The following CYB5R4 variants were observed in gnomAD, a reference collection of about 807,000 sequenced individuals.
The protein encoded by CYB5R4 is N-terminal cytochrome b5 and cytochrome b5 oxidoreductase domain-containing protein.
A neutral mutation model predicts 70.2 loss-of-function variants in CYB5R4; 55 were observed. That is an observed-to-expected ratio of 0.78 (90% CI 0.63 to 0.98). CYB5R4 has a LOEUF of 0.98. CYB5R4 is among the 50% of genes least tolerant of loss of function. CYB5R4 has a pLI of 0.00. For missense variants in CYB5R4, 562 were observed against 612.6 expected (o/e 0.92, Z 0.87); for synonymous variants, 197 against 199.5 (o/e 0.99, Z 0.11).
chr6:83,949,892 A>C (rs557926607), intron 14 of CYB5R4, among the ~76,000 whole-genome samples: 2 of 152,352 alleles, frequency 1.3e-5, no homozygotes, highest in African/African-American at 4.8e-5. Flanking sequence ...CATGGGAATC[A>C]ATGAGTTAGC....
intron 3 of CYB5R4, among the ~76,000 whole-genome samples, chr6:83,894,360 G>T (rs553533373): frequency 6.6e-6 from 1 of 152,192 alleles, no homozygotes; most frequent in South Asian, 2.1e-4. Flanking sequence ...TAACCATGTT[G>T]TAATATTGGA....
intron 14 of CYB5R4, among the ~76,000 whole-genome samples, chr6:83,950,539 A>T (rs1254136466): frequency 1.3e-5 from 2 of 152,186 alleles, no homozygotes; most frequent in Non-Finnish European, 2.9e-5. Context: ...GACAGGTGGT[A>T]CAGTTTGACA....
At chr6:83,947,781 A>G (rs2099470861) in intron 14 of CYB5R4, among the ~76,000 whole-genome samples, 2 of 151,294 alleles carry the variant, frequency 1.3e-5, no homozygotes, top group African/African-American at 4.8e-5. Context: ...GCCAACAAAC[A>G]TACTGGTCAT....
At chr6:83,899,672 C>G (rs1361658644) in intron 3 of CYB5R4, among the ~76,000 whole-genome samples, 1 of 152,138 alleles carries the variant, frequency 6.6e-6, no homozygotes, top group Non-Finnish European at 1.5e-5. Flanking sequence ...AGGGATTCAA[C>G]TTCTTCCTGG....
intron 15 of CYB5R4, among the ~76,000 whole-genome samples, chr6:83,958,261 C>T (rs1487171388): frequency 6.6e-6 from 1 of 152,190 alleles, no homozygotes; most frequent in Non-Finnish European, 1.5e-5. Context: ...ACAGTCTCTG[C>T]TTTCCAGGAC....
intron 10 of CYB5R4, among the ~76,000 whole-genome samples, chr6:83,925,122 G>A (rs2099467076): frequency 6.6e-6 from 1 of 152,138 alleles, no homozygotes; most frequent in African/African-American, 2.4e-5. Context: ...AGGAAGCATG[G>A]TCCTGGCATT....
intron 2 of CYB5R4, among the ~76,000 whole-genome samples, chr6:83,878,229 A>C (rs1173385750): frequency 6.6e-6 from 1 of 152,116 alleles, no homozygotes; most frequent in African/African-American, 2.4e-5. Flanking sequence ...TTTCCACTAG[A>C]TTAAAAAAAA....
chr6:83,937,185 G>A (rs541872568), intron 12 of CYB5R4, among the ~76,000 whole-genome samples: 8 of 152,110 alleles, frequency 5.3e-5, no homozygotes, highest in Non-Finnish European at 1.2e-4. Context: ...TGAGGCAGGA[G>A]AATCGCTTAA....
At chr6:83,876,644 T>C (rs1028058405) in intron 2 of CYB5R4, among the ~76,000 whole-genome samples, 2 of 152,068 alleles carry the variant, frequency 1.3e-5, no homozygotes, top group East Asian at 1.9e-4. Flanking sequence ...CCTTATGCTG[T>C]TGTTGTTATT....
At chr6:83,893,798 G>A (rs1588566855) in intron 3 of CYB5R4, among the ~76,000 whole-genome samples, 176 bp downstream of exon 3, 2 of 152,184 alleles carry the variant, frequency 1.3e-5, no homozygotes, top group South Asian at 2.1e-4. Flanking sequence ...TGCCCTTTGA[G>A]TTATTAAAAT....
At chr6:83,913,402 T>A (rs1486833779) in intron 4 of CYB5R4, among the ~76,000 whole-genome samples, 1 of 152,234 alleles carries the variant, frequency 6.6e-6, no homozygotes, top group Non-Finnish European at 1.5e-5. Context: ...GCTTTTTTAC[T>A]GGAGTGGTAG....
chr6:83,958,860 T>C lies in CYB5R4; in HGVS notation c.1512-964T>C, dbSNP rs1290354016. ...ATGAATAAATAATAATACCTATGCA[T>C]GTGAAGTGCATAGCAAAGTGACATT... is the stretch of plus-strand genomic sequence containing the variant. On this transcript the variant is annotated intron_variant, in intron 15 of 15. Coordinates refer to ENST00000369681, the MANE Select transcript of CYB5R4 (RefSeq NM_016230.4). Among the ~76,000 whole-genome samples, 3 of 152,284 alleles carry C rather than the reference T, an allele frequency of 2.0e-5. No individual in the cohort carries two copies. The East Asian group carries it at 5.8e-4, about 29-fold the overall frequency.
At chr6:83,903,174 A>T (rs890850640) in intron 3 of CYB5R4, among the ~76,000 whole-genome samples, 1 of 151,942 alleles carries the variant, frequency 6.6e-6, no homozygotes, top group African/African-American at 2.4e-5. Flanking sequence ...ATGGCCTTTT[A>T]TTATTTTGAG....
At position 83,966,640 on chromosome 6, in the gene CYB5R4, G is replaced by C. The variant is rs985221888; in HGVS notation, c.*6762G>C. 2 of 152,166 alleles carry C rather than the reference G, an allele frequency of 1.3e-5. No homozygotes were observed. Among genetic ancestry groups the C allele is most frequent in the African/African-American group, 2.4e-5 (1 of 41,428 alleles). The allele number at this position is 152,166 out of a possible 1,614,324, so 9.4% of individuals were successfully genotyped here. A position where few individuals can be genotyped will look rare whatever the true frequency, so the allele number is the denominator to read the frequency against. ...CGGGAGGCGGAGGTTGCGGTGAGCC[G>C]AGATTGCACCTTTGCACTCCAGCCT... On this transcript the variant is annotated 3_prime_UTR_variant, in exon 16 of 16. Coordinates refer to ENST00000369681, the MANE Select transcript of CYB5R4 (RefSeq NM_016230.4).
At chr6:83,865,548 G>A (rs929953593) in intron 2 of CYB5R4, among the ~76,000 whole-genome samples, 8 of 152,044 alleles carry the variant, frequency 5.3e-5, no homozygotes, top group African/African-American at 1.2e-4. Flanking sequence ...TCATCTTCAC[G>A]TGGCATATTC....
intron 13 of CYB5R4, 147 bp from the exon 14 acceptor site, chr6:83,940,368 G>T: frequency 1.9e-6 from 2 of 1,032,298 alleles, no homozygotes; most frequent in Non-Finnish European, 1.4e-6. Flanking sequence ...TATTAACTAG[G>T]TTCTTTTATC....
At position 83,963,212 on chromosome 6, in the gene CYB5R4, C is replaced by T. The variant is rs1562850169; in HGVS notation, c.*3334C>T. ...TATAGAAAGAACAGAGAAATTTGTC[C>T]AAGATAAGATGATTAGGTTTTGTCT... is the stretch of plus-strand genomic sequence containing the variant. On this transcript the variant is annotated 3_prime_UTR_variant, in exon 16 of 16. Coordinates refer to ENST00000369681, the MANE Select transcript of CYB5R4 (RefSeq NM_016230.4). 1 of 152,080 alleles carries T rather than the reference C, an allele frequency of 6.6e-6. No homozygotes were observed. Among genetic ancestry groups the T allele is most frequent in the Non-Finnish European group, 1.5e-5 (1 of 68,032 alleles). The allele number at this position is 152,080 out of a possible 1,614,324, so 9.4% of individuals were successfully genotyped here.
At chr6:83,872,285 T>G (rs61761494) in intron 2 of CYB5R4, among the ~76,000 whole-genome samples, 1 of 152,338 alleles carries the variant, frequency 6.6e-6, no homozygotes, top group African/African-American at 2.4e-5. Context: ...TTCCTTTTTT[T>G]AAGTACCCTA....
chr6:83,881,472 C>T (rs1269567291), intron 2 of CYB5R4, among the ~76,000 whole-genome samples: 1 of 152,236 alleles, frequency 6.6e-6, no homozygotes, highest in African/African-American at 2.4e-5. Context: ...CCACAACACC[C>T]AGCCTCATAC....
Sources: allele counts gnomAD v4.1 joint callset (sites outside exome capture counted in the v4.1 genomes callset), GRCh38; gene constraint gnomAD v4.1.1; transcripts MANE v1.5; gene names NCBI Gene and HGNC (gene_info 2026-07-23, HGNC 2026-07-21).